The following LRRTM4 variants were observed in gnomAD, a reference collection of about 807,000 sequenced individuals.
LRRTM4 encodes the protein leucine rich repeat transmembrane neuronal 4, also known as leucine-rich repeat transmembrane neuronal protein 4.
A neutral mutation model predicts 47.6 loss-of-function variants in LRRTM4; 25 were observed. The ratio of observed to expected loss-of-function variants is 0.53; its 90% CI spans 0.38 to 0.73. LRRTM4 has a LOEUF of 0.73. LRRTM4 is among the 30% of genes least tolerant of loss of function. The pLI is 0.00. For missense variants in LRRTM4, 638 were observed against 713.4 expected (o/e 0.89, Z 1.20); for synonymous variants, 311 against 269.5 (o/e 1.15, Z -1.51).
intron 3 of LRRTM4, among the ~76,000 whole-genome samples, chr2:77,350,303 G>A (rs1409835181): frequency 3.1e-4 from 39 of 124,008 alleles, no homozygotes; most frequent in African/African-American, 8.9e-4. Context: ...TCCGCAGTCC[G>A]GCCTGGGCGA....
At chr2:76,771,220 A>G (rs934393315) in intron 3 of LRRTM4, among the ~76,000 whole-genome samples, 3 of 152,238 alleles carry the variant, frequency 2.0e-5, no homozygotes, top group Non-Finnish European at 2.9e-5. Context: ...TAAAGGAAGA[A>G]AAAGATGAAG....
At chr2:76,750,274 C>A (rs1319629182) in intron 3 of LRRTM4, among the ~76,000 whole-genome samples, 1 of 152,170 alleles carries the variant, frequency 6.6e-6, no homozygotes, top group Non-Finnish European at 1.5e-5. Flanking sequence ...CTCAGAGACA[C>A]CAGCACTAGC....
Position 77,378,523 on chromosome 2 carries a change from C to T in LRRTM4, c.1551+139795G>A, listed in dbSNP as rs190023947. Among the ~76,000 whole-genome samples the T allele has an allele frequency of 1.1e-3, 172 of 152,170 alleles. 2 individuals carry two copies. Among genetic ancestry groups the T allele is most frequent in the African/African-American group, 3.9e-3 (164 of 41,542 alleles). The stretch of plus-strand genomic sequence containing the variant: ...GAAAACACATTATATGTATTTTCAA[C>T]AATTGGGTAATTTTTGAGACTTTAT... On this transcript the variant is annotated intron_variant, in intron 3 of 3. Coordinates refer to ENST00000409884, the MANE Select transcript of LRRTM4 (RefSeq NM_001134745.3).
At position 76,748,059 on chromosome 2, in the gene LRRTM4, T is replaced by G. The variant is rs1558629802; in HGVS notation, c.*636A>C. 6.6e-6 allele frequency: 1 copy of G among 152,536 alleles called. No homozygotes were observed. The highest frequency in any genetic ancestry group is 1.9e-4 in the East Asian group (1 of 5,178). The allele number at this position is 152,536 out of a possible 1,614,324, so 9.4% of individuals were successfully genotyped here. On this transcript the variant is annotated 3_prime_UTR_variant, in exon 4 of 4. Coordinates refer to ENST00000409884, the MANE Select transcript of LRRTM4 (RefSeq NM_001134745.3). ...CAGACTTATTGGGTTTTCCAGTAGT[T>G]TTGTCAAACTTTGTGGTCAACTTTC... is the stretch of plus-strand genomic sequence containing the variant.
intron 3 of LRRTM4, among the ~76,000 whole-genome samples, chr2:77,391,884 A>G (rs1673517878): frequency 6.6e-6 from 1 of 152,040 alleles, no homozygotes; most frequent in African/African-American, 2.4e-5. Flanking sequence ...GACTGTAGCA[A>G]TAGGATACCA....
chr2:76,781,382 C>T lies in LRRTM4; in HGVS notation c.1552-32466G>A, dbSNP rs1478364815. Among the ~76,000 whole-genome samples the T allele has an allele frequency of 2.0e-5, 3 of 152,246 alleles. No homozygotes were observed. In the South Asian group the frequency reaches 6.2e-4, roughly 32 times the overall value. Reference sequence around the variant, plus strand: ...TGCCGCCTTGCAGTTTGATCTCAGACTGCTGTGCTAGCAATCAGCGAGACT... The same window carrying T: ...TGCCGCCTTGCAGTTTGATCTCAGATTGCTGTGCTAGCAATCAGCGAGACT... On this transcript the variant is annotated intron_variant, in intron 3 of 3. Coordinates refer to ENST00000409884, the MANE Select transcript of LRRTM4 (RefSeq NM_001134745.3).
chr2:77,112,244 C>T (rs4852429), intron 3 of LRRTM4, among the ~76,000 whole-genome samples: 87,587 of 152,000 alleles, frequency 0.58, 25,595 homozygotes, highest in East Asian at 0.67. Context: ...ACTTGAGTGA[C>T]TACCACTGTT....
chr2:77,349,495 G>A (rs188403366), intron 3 of LRRTM4, among the ~76,000 whole-genome samples: 1 of 152,008 alleles, frequency 6.6e-6, no homozygotes, highest in Non-Finnish European at 1.5e-5. Context: ...TCCCCAAAAT[G>A]TACTAAAAAT....
intron 3 of LRRTM4, among the ~76,000 whole-genome samples, chr2:77,141,440 G>A (rs965118486): frequency 7.0e-6 from 1 of 143,510 alleles, no homozygotes; most frequent in African/African-American, 2.5e-5. Flanking sequence ...TTGGACACAG[G>A]AGGGGGAACA....
intron 3 of LRRTM4, among the ~76,000 whole-genome samples, chr2:77,011,284 A>T (rs1677862639): frequency 2.0e-5 from 3 of 152,170 alleles, no homozygotes; most frequent in Non-Finnish European, 1.5e-5. Context: ...AAATTTCTAA[A>T]AATTAGAGTG....
intron 3 of LRRTM4, among the ~76,000 whole-genome samples, chr2:77,011,843 A>G (rs1256877819): frequency 1.3e-5 from 2 of 151,898 alleles, no homozygotes; most frequent in Non-Finnish European, 2.9e-5. Flanking sequence ...TCTGTCCAAG[A>G]GATTGTGTAA....
Position 76,807,413 on chromosome 2 carries a change from T to TATATACACACACAC in LRRTM4, c.1552-58498_1552-58497insGTGTGTGTGTATAT, listed in dbSNP as rs1553412589. Among the ~76,000 whole-genome samples, 647 of 94,976 alleles carry TATATACACACACAC rather than the reference T, an allele frequency of 6.8e-3. 17 individuals are homozygous for TATATACACACACAC. Among genetic ancestry groups the TATATACACACACAC allele is most frequent in the African/African-American group, 0.028 (590 of 21,206 alleles). The allele number at this position is 94,976 out of a possible 152,430, so 62.3% of individuals were successfully genotyped here. A position where few individuals can be genotyped will look rare whatever the true frequency, so the allele number is the denominator to read the frequency against. The stretch of plus-strand genomic sequence containing the variant: ...ATATATATATATGTATATACGTATA[T>TATATACACACACAC]ATATATATATACATATATATATACG... On this transcript the variant is annotated intron_variant, in intron 3 of 3. Coordinates refer to ENST00000409884, the MANE Select transcript of LRRTM4 (RefSeq NM_001134745.3).
intron 3 of LRRTM4, among the ~76,000 whole-genome samples, chr2:77,382,010 T>C (rs1010172429): frequency 6.6e-6 from 1 of 152,102 alleles, no homozygotes; most frequent in African/African-American, 2.4e-5. Context: ...ATCTACATCG[T>C]TTCCATGTGA....
intron 3 of LRRTM4, among the ~76,000 whole-genome samples, chr2:76,988,890 A>C (rs2103986441): frequency 6.6e-6 from 1 of 151,874 alleles, no homozygotes; most frequent in East Asian, 1.9e-4. Context: ...GAAGCTAGAA[A>C]ACTCAGATTG....
intron 3 of LRRTM4, among the ~76,000 whole-genome samples, chr2:77,421,840 AC>A (rs1674909192): frequency 6.6e-6 from 1 of 152,210 alleles, no homozygotes; most frequent in Non-Finnish European, 1.5e-5. Flanking sequence ...ATAACGATAT[AC>A]AATCATGCAA....
chr2:77,068,397 C>T (rs1157252398), intron 3 of LRRTM4, among the ~76,000 whole-genome samples: 1 of 152,108 alleles, frequency 6.6e-6, no homozygotes, highest in Non-Finnish European at 1.5e-5. Flanking sequence ...TCACCACTGT[C>T]TAATTTTGGA....
chr2:77,389,375 G>A (rs1673413003), intron 3 of LRRTM4, among the ~76,000 whole-genome samples: 1 of 152,066 alleles, frequency 6.6e-6, no homozygotes, highest in African/African-American at 2.4e-5. Flanking sequence ...CTTTCTCAGA[G>A]CCAACACCAA....
At position 76,901,379 on chromosome 2, in the gene LRRTM4, T is replaced by A. The variant is rs543078691; in HGVS notation, c.1552-152463A>T. On this transcript the variant is annotated intron_variant, in intron 3 of 3. Transcript: ENST00000409884. ...ATCCATGTCCCTGAAAAGTATGTTA[T>A]CTCATTTCTTACTATGTCTGTATAG... Among the ~76,000 whole-genome samples, 182 of 152,290 alleles carry A rather than the reference T, an allele frequency of 1.2e-3. 1 individual carries two copies. Among genetic ancestry groups the A allele is most frequent in the Non-Finnish European group, 2.1e-3 (141 of 68,036 alleles).
At chr2:76,881,973 A>C (rs1004632830) in intron 3 of LRRTM4, among the ~76,000 whole-genome samples, 2 of 152,308 alleles carry the variant, frequency 1.3e-5, no homozygotes, top group Admixed American at 1.3e-4. Flanking sequence ...GTGGTCTTTC[A>C]TTAAATCCAT....
Sources: gnomAD v4.1 joint callset for allele counts (sites outside exome capture counted in the v4.1 genomes callset) on GRCh38, gnomAD v4.1.1 for gene constraint, MANE v1.5 for transcripts, NCBI Gene and HGNC (gene_info 2026-07-23, HGNC 2026-07-21) for gene names.